The following STON1 variants were observed in gnomAD, a reference collection of about 807,000 sequenced individuals.
STON1 encodes stonin-1.
Under a neutral mutation model 60.9 loss-of-function variants are expected in STON1, and 79 were observed. The observed-to-expected ratio is 1.30, with a 90% CI of 1.08 to 1.56. STON1 has a LOEUF of 1.56. Ranked by LOEUF, STON1 falls within the 40% of genes most tolerant of loss-of-function variation. The probability of loss-of-function intolerance (pLI) is 0.00; values close to 1 mark genes in which losing one functional copy is unlikely to be tolerated. For synonymous variants in STON1, 363 were observed against 306.9 expected, an observed-to-expected ratio of 1.18 and a Z score of -1.91; for missense variants, 1,166 against 858.9, an observed-to-expected ratio of 1.36 and a Z score of -4.47.
Position 48,596,745 on chromosome 2 carries a change from G to A in STON1, c.*1443G>A, listed in dbSNP as rs1572658371. On this transcript the variant is annotated 3_prime_UTR_variant, in exon 4 of 4. Transcript: ENST00000404752. ...AAAACAGATTAAGACAAACATTTAT[G>A]ATGGTCTGTATCAATCAGCAGATTT... 1 of 152,096 alleles carries A rather than the reference G, an allele frequency of 6.6e-6. No homozygotes were observed. Among genetic ancestry groups the A allele is most frequent in the African/African-American group, 2.4e-5 (1 of 41,396 alleles). 9.4% of individuals were successfully genotyped at this position (152,096 alleles called of 1,614,324 possible).
Position 48,550,488 on chromosome 2 carries a change from ACT to A in STON1, c.-48+20275_-48+20276del, listed in dbSNP as rs1194943304. Among the ~76,000 whole-genome samples, 7 of 147,304 alleles carry A rather than the reference ACT, an allele frequency of 4.8e-5. No homozygotes were observed. The Admixed American group carries it at 4.8e-4, about 10-fold the overall frequency. On this transcript the variant is annotated intron_variant, in intron 1 of 3. Coordinates refer to ENST00000404752, the MANE Select transcript of STON1 (RefSeq NM_006873.4). Reference sequence around the variant, plus strand: ...CTCCAGCCTGGGCAACAAGAGTGAAACTCTATCTCAAAAAAAAAAAAAGACAA... The same window carrying A: ...CTCCAGCCTGGGCAACAAGAGTGAAACTATCTCAAAAAAAAAAAAAGACAA...
intron 1 of STON1, among the ~76,000 whole-genome samples, chr2:48,545,077 A>G (rs746094806): frequency 6.6e-6 from 1 of 152,190 alleles, no homozygotes; most frequent in Non-Finnish European, 1.5e-5. Flanking sequence ...GGTCATTCTC[A>G]GCAGCACACT....
intron 1 of STON1, among the ~76,000 whole-genome samples, chr2:48,577,015 C>G (rs1006211195): frequency 1.3e-5 from 2 of 150,326 alleles, no homozygotes; most frequent in Non-Finnish European, 3.0e-5. Flanking sequence ...GATCGCGCCA[C>G]TGCACTCCAG....
chr2:48,561,359 C>A (rs995013455), intron 1 of STON1, among the ~76,000 whole-genome samples: 1 of 152,218 alleles, frequency 6.6e-6, no homozygotes, highest in Non-Finnish European at 1.5e-5. Flanking sequence ...TCTGCCCTTT[C>A]TCCCTTCCGA....
chr2:48,548,538 G>T (rs745781809), intron 1 of STON1, among the ~76,000 whole-genome samples: 70 of 147,324 alleles, frequency 4.8e-4, no homozygotes, highest in African/African-American at 1.7e-3. Flanking sequence ...TCCCTCTGTT[G>T]CCCAGGCTGG....
intron 1 of STON1, among the ~76,000 whole-genome samples, chr2:48,555,453 ACC>A (rs1210984016): frequency 2.6e-5 from 2 of 75,684 alleles, no homozygotes; most frequent in Non-Finnish European, 2.7e-5. Context: ...AGGGGGGCTG[ACC>A]CCCCCCACCT....
intron 1 of STON1, among the ~76,000 whole-genome samples, chr2:48,547,403 G>C (rs1671904316): frequency 6.6e-6 from 1 of 152,244 alleles, no homozygotes; most frequent in Admixed American, 6.5e-5. Context: ...GAGACCAAGA[G>C]ATGGACCAGA....
intron 2 of STON1, among the ~76,000 whole-genome samples, chr2:48,586,587 A>T (rs569617203): frequency 1.3e-5 from 2 of 152,264 alleles, no homozygotes; most frequent in East Asian, 3.9e-4. Flanking sequence ...GCAGAACCAC[A>T]GGTGTGTGGG....
chr2:48,535,046 G>C (rs1671366025), intron 1 of STON1, among the ~76,000 whole-genome samples: 1 of 152,118 alleles, frequency 6.6e-6, no homozygotes, highest in Non-Finnish European at 1.5e-5. Context: ...TACAGGGCAA[G>C]ATTTTTAAAG....
Position 48,581,792 on chromosome 2 carries a change from C to A in STON1, c.1159C>A (p.Leu387Ile). The stretch of plus-strand genomic sequence containing the variant: ...GGGGTCCACATCGTACCATGACTTC[C>A]TTGACTTTCTGACTACTGTGGAGGA... ...KLGSTSYHDFLDFLTTVEEEL... is the reference protein window; with the variant it reads ...KLGSTSYHDFIDFLTTVEEEL... The change falls in exon 2 of 4, where the codon CTT (leucine) becomes ATT (isoleucine). Residue 387 changes from leucine to isoleucine, a missense_variant. Coordinates refer to ENST00000404752, the MANE Select transcript of STON1 (RefSeq NM_006873.4). The A allele has an allele frequency of 6.2e-7, 1 of 1,614,116 alleles. No homozygotes were observed. The highest frequency in any genetic ancestry group is 1.1e-5 in the South Asian group (1 of 91,072).
Position 48,580,629 on chromosome 2 carries a change from C to T in STON1, c.-5C>T. 7.4e-7 allele frequency: 1 copy of T among 1,351,114 alleles called. No individual in the cohort carries two copies. The allele number at this position is 1,351,114 out of a possible 1,614,324, so 83.7% of individuals were successfully genotyped here. A position where few individuals can be genotyped will look rare whatever the true frequency, so the allele number is the denominator to read the frequency against. On this transcript the variant is annotated 5_prime_UTR_variant, in exon 2 of 4. Transcript: ENST00000404752. ...TCTTGACAAGACCACAATCTGATCCCAAAGATGTGCTCCACAAATCCAGGC... is the reference window on the plus strand; with the variant it reads ...TCTTGACAAGACCACAATCTGATCCTAAAGATGTGCTCCACAAATCCAGGC...
At chr2:48,567,508 T>G (rs1297109545) in intron 1 of STON1, among the ~76,000 whole-genome samples, 1 of 152,186 alleles carries the variant, frequency 6.6e-6, no homozygotes, top group Non-Finnish European at 1.5e-5. Flanking sequence ...GCCTCCTGTG[T>G]TCAAGCGATT....
At chr2:48,536,479 C>G (rs1671433773) in intron 1 of STON1, among the ~76,000 whole-genome samples, 1 of 138,360 alleles carries the variant, frequency 7.2e-6, no homozygotes, top group African/African-American at 2.7e-5. Flanking sequence ...ACCTGGGAGG[C>G]GGAGGTTGCA....
In STON1 at chr2:48,552,074, G is replaced by C. The variant is rs531900383; in HGVS notation, c.-48+21858G>C. Among the ~76,000 whole-genome samples, 12 of 152,354 alleles carry C rather than the reference G, an allele frequency of 7.9e-5. No homozygotes were observed. The South Asian group carries it at 2.5e-3, about 32-fold the overall frequency. ...GCTGCTCCAGTGATCTGTTGCTGCA[G>C]AGCAGCTACTCCAAAATGTTGAGGT... On this transcript the variant is annotated intron_variant, in intron 1 of 3. Coordinates refer to ENST00000404752, the MANE Select transcript of STON1 (RefSeq NM_006873.4).
intron 1 of STON1, chr2:48,531,738 G>A (rs1671219265): frequency 6.6e-6 from 1 of 152,094 alleles, no homozygotes. Context: ...TGGTTGCTGG[G>A]GGATGTTGAA....
Position 48,581,897 on chromosome 2 carries a change from A to C in STON1, c.1264A>C (p.Asn422His). Residue 422 changes from asparagine (N) to histidine (H), a missense_variant, in exon 2 of 4, where the codon AAC (asparagine) becomes CAC (histidine). By Grantham distance (68) the Asn-to-His change is moderately conservative. Transcript: ENST00000404752. Reference protein sequence around the residue: ...EQEISLEIVDNFWGKVTKEGK... With the variant: ...EQEISLEIVDHFWGKVTKEGK... ...AGAAATTTCCTTGGAAATTGTGGAC[A>C]ACTTTTGGGGTAAAGTCACAAAAGA... 1.2e-6 allele frequency: 2 copies of C among 1,614,016 alleles called. No homozygotes were observed. Among genetic ancestry groups the C allele is most frequent in the Non-Finnish European group, 1.7e-6 (2 of 1,179,996 alleles).
chr2:48,559,551 C>T (rs886759067), intron 1 of STON1, among the ~76,000 whole-genome samples: 27 of 152,270 alleles, frequency 1.8e-4, no homozygotes, highest in African/African-American at 6.3e-4. Flanking sequence ...TAAGTTTCAG[C>T]ATATGAATTT....
At chr2:48,594,475 A>G (rs1674690629) in intron 3 of STON1, among the ~76,000 whole-genome samples, 1 of 152,240 alleles carries the variant, frequency 6.6e-6, no homozygotes, top group African/African-American at 2.4e-5. Context: ...CTCCACATGC[A>G]GGGACACAGC....
chr2:48,562,081 T>C (rs1672637016), intron 1 of STON1, among the ~76,000 whole-genome samples: 1 of 152,178 alleles, frequency 6.6e-6, no homozygotes, highest in African/African-American at 2.4e-5. Context: ...GGCTTGTCTC[T>C]AACTCCTGAC....
Sources: allele counts gnomAD v4.1 joint callset (sites outside exome capture counted in the v4.1 genomes callset), GRCh38; gene constraint gnomAD v4.1.1; transcripts MANE v1.5; gene names NCBI Gene and HGNC (gene_info 2026-07-23, HGNC 2026-07-21).